ALK: variants seen among roughly 807,000 people sequenced by gnomAD.
ALK encodes the protein ALK tyrosine kinase receptor.
A neutral mutation model predicts 163.1 loss-of-function variants in ALK; 74 were observed. That is an observed-to-expected ratio of 0.45 (90% confidence interval 0.38 to 0.55). The LOEUF (loss-of-function observed/expected upper bound fraction) is 0.55, where lower values mean the gene tolerates loss of function less well. Ranked by LOEUF, ALK falls within the 20% of genes least tolerant of loss-of-function variation. The pLI, the probability that ALK is intolerant of heterozygous loss-of-function variation, is 0.00. For missense variants in ALK, 2,063 were observed against 2,105.3 expected, an observed-to-expected ratio of 0.98 and a Z score of 0.39; for synonymous variants, 960 against 843.2, an observed-to-expected ratio of 1.14 and a Z score of -2.40.
At chr2:29,317,138 G>T (rs1440269213) in intron 8 of ALK, among the ~76,000 whole-genome samples, 1 of 152,158 alleles carries the variant, frequency 6.6e-6, no homozygotes, top group African/African-American at 2.4e-5. Flanking sequence ...TCCCTCTGCT[G>T]GCCACAGAAC....
At chr2:29,492,403 G>T (rs573457379) in intron 4 of ALK, among the ~76,000 whole-genome samples, 1 of 152,288 alleles carries the variant, frequency 6.6e-6, no homozygotes, top group South Asian at 2.1e-4. Context: ...GAGAGACAAG[G>T]ATGAAGGCCC....
At chr2:29,312,163 G>T (rs528163367) in intron 8 of ALK, among the ~76,000 whole-genome samples, 3 of 152,088 alleles carry the variant, frequency 2.0e-5, no homozygotes, top group Non-Finnish European at 4.4e-5. Context: ...GAGAAGGCAG[G>T]CTCCAGCCTT....
At chr2:29,548,821 T>C (rs1273716978) in intron 3 of ALK, among the ~76,000 whole-genome samples, 1 of 152,196 alleles carries the variant, frequency 6.6e-6, no homozygotes, top group East Asian at 1.9e-4. Context: ...ATTTCTTATT[T>C]ACCTTGGGGG....
chr2:29,381,599 A>G (rs1317442990), intron 5 of ALK, among the ~76,000 whole-genome samples: 2 of 152,200 alleles, frequency 1.3e-5, no homozygotes, highest in Non-Finnish European at 2.9e-5. Context: ...TGAAGGGACC[A>G]AGTTCTTATC....
At chr2:29,752,979 C>T (rs1421987394) in intron 1 of ALK, among the ~76,000 whole-genome samples, 1 of 152,174 alleles carries the variant, frequency 6.6e-6, no homozygotes, top group African/African-American at 2.4e-5. Flanking sequence ...AGCCCAGGGT[C>T]ACAGGTTTAT....
chr2:29,387,290 A>T (rs1418629696), intron 4 of ALK, among the ~76,000 whole-genome samples: 1 of 152,160 alleles, frequency 6.6e-6, no homozygotes, highest in Non-Finnish European at 1.5e-5. Context: ...AATGCCTGAA[A>T]TGTTGGATGT....
At chr2:29,472,484 TTAA>T (rs1414439451) in intron 4 of ALK, among the ~76,000 whole-genome samples, 5 of 152,248 alleles carry the variant, frequency 3.3e-5, no homozygotes, top group African/African-American at 1.2e-4. Flanking sequence ...AACTTCATAC[TTAA>T]TGATGAAATA....
At chr2:29,807,438 G>A (rs948706020) in intron 1 of ALK, among the ~76,000 whole-genome samples, 2 of 152,336 alleles carry the variant, frequency 1.3e-5, no homozygotes, top group East Asian at 1.9e-4. Flanking sequence ...TTCTGCCAGG[G>A]AGGGCTCTGT....
At chr2:29,595,782 GC>G (rs1675196691) in intron 3 of ALK, among the ~76,000 whole-genome samples, 1 of 152,186 alleles carries the variant, frequency 6.6e-6, no homozygotes, top group African/African-American at 2.4e-5. Context: ...AACTAAGTAA[GC>G]CAATGAAACA....
At chr2:29,787,724 G>A (rs1186466096) in intron 1 of ALK, among the ~76,000 whole-genome samples, 2 of 152,170 alleles carry the variant, frequency 1.3e-5, no homozygotes, top group Non-Finnish European at 2.9e-5. Flanking sequence ...ACAGTAGGGT[G>A]GGTTAAGTAA....
intron 1 of ALK, among the ~76,000 whole-genome samples, chr2:29,867,214 C>A (rs1447706571): frequency 6.6e-6 from 1 of 152,068 alleles, no homozygotes; most frequent in East Asian, 1.9e-4. Context: ...GTGAGCATGT[C>A]AAAGATGGCA....
intron 24 of ALK, among the ~76,000 whole-genome samples, chr2:29,210,905 T>C (rs1021488351): frequency 2.6e-5 from 4 of 152,168 alleles, no homozygotes; most frequent in Non-Finnish European, 5.9e-5. Context: ...GCTTCTACTC[T>C]CTGCTTACCA....
At chr2:29,308,363 AT>A (rs5830111) in intron 8 of ALK, among the ~76,000 whole-genome samples, 135,210 of 152,202 alleles carry the variant, frequency 0.89, 61,510 homozygotes, top group Non-Finnish European at 0.98. Flanking sequence ...ACTTTCCTGC[AT>A]TTTTCCTAAT....
intron 12 of ALK, among the ~76,000 whole-genome samples, chr2:29,250,153 T>G (rs956620747): frequency 6.6e-6 from 1 of 152,166 alleles, no homozygotes; most frequent in Non-Finnish European, 1.5e-5. Context: ...CCACAAGGCA[T>G]AGTGGTTTTG....
intron 25 of ALK, among the ~76,000 whole-genome samples, chr2:29,209,137 G>A (rs930441945): frequency 1.3e-5 from 2 of 148,214 alleles, no homozygotes; most frequent in Non-Finnish European, 3.0e-5. Context: ...AGGAGTTGAG[G>A]AAGTTCAATA....
At position 29,767,242 on chromosome 2, in the gene ALK, G is replaced by A. The variant is rs151063748; in HGVS notation, c.668-49545C>T. ...AAACAGGCCAAGTTACTTGATCAAG[G>A]TCACACAACTTTTAACTCTGTCTCC... On this transcript the variant is annotated intron_variant, in intron 1 of 28. Transcript: ENST00000389048. 2.8e-3 allele frequency among the ~76,000 whole-genome samples: 428 copies of A among 152,278 alleles called. 3 individuals are homozygous for A. Among genetic ancestry groups the A allele is most frequent in the African/African-American group, 9.6e-3 (398 of 41,558 alleles).
chr2:29,319,983 A>G (rs1666966205), intron 7 of ALK, among the ~76,000 whole-genome samples: 1 of 152,226 alleles, frequency 6.6e-6, no homozygotes, highest in Non-Finnish European at 1.5e-5. Flanking sequence ...GGTGGGCACC[A>G]GGGCCTGCCC....
rs184221086 is a variant in ALK, at chr2:29,897,794, C to A, written c.667+22199G>T. On this transcript the variant is annotated intron_variant, in intron 1 of 28. Coordinates refer to ENST00000389048, the MANE Select transcript of ALK (RefSeq NM_004304.5). ...TCAGGCTTTCCTCAAATGTCCATGCCCCTCCTGTACCCTGCCCTTCTCCCT... is the reference window on the plus strand; with the variant it reads ...TCAGGCTTTCCTCAAATGTCCATGCACCTCCTGTACCCTGCCCTTCTCCCT... 2.5e-3 allele frequency among the ~76,000 whole-genome samples: 387 copies of A among 152,280 alleles called. 3 individuals carry two copies. The highest frequency in any genetic ancestry group is 9.0e-3 in the African/African-American group (373 of 41,560).
chr2:29,221,945 G>C (rs1669816189), intron 22 of ALK, among the ~76,000 whole-genome samples: 1 of 152,216 alleles, frequency 6.6e-6, no homozygotes, highest in Non-Finnish European at 1.5e-5. Context: ...TGGGAGCCTA[G>C]GATGGGGTGG....
Sources: allele counts gnomAD v4.1 joint callset (sites outside exome capture counted in the v4.1 genomes callset), GRCh38; gene constraint gnomAD v4.1.1; transcripts MANE v1.5; gene names NCBI Gene and HGNC (gene_info 2026-07-23, HGNC 2026-07-21).